RPRD1B: variants seen among roughly 807,000 people sequenced by gnomAD.
The protein encoded by RPRD1B is regulation of nuclear pre-mRNA domain containing 1B, also known as regulation of nuclear pre-mRNA domain-containing protein 1B.
In RPRD1B, 11 loss-of-function variants were observed where a neutral mutation model predicts 41.5. The observed-to-expected ratio is 0.27, with a 90% CI of 0.17 to 0.44. The LOEUF (loss-of-function observed/expected upper bound fraction) is 0.44, where lower values mean the gene tolerates loss of function less well. Ranked by LOEUF, RPRD1B falls within the 20% of genes least tolerant of loss-of-function variation. The probability of loss-of-function intolerance (pLI) is 1.00; values close to 1 mark genes in which losing one functional copy is unlikely to be tolerated. For synonymous variants in RPRD1B, 158 were observed against 155.6 expected (o/e 1.02, Z -0.12); for missense variants, 248 against 389.9 (o/e 0.64, Z 3.06).
At chr20:38,082,233 T>C (rs2074519222) in intron 6 of RPRD1B, among the ~76,000 whole-genome samples, 1 of 152,204 alleles carries the variant, frequency 6.6e-6, no homozygotes, top group Non-Finnish European at 1.5e-5. Context: ...GATTCAATTT[T>C]GGAACTCGTT....
intron 3 of RPRD1B, 182 bp downstream of exon 3, chr20:38,048,663 T>C: frequency 1.4e-5 from 12 of 855,920 alleles, no homozygotes; most frequent in Non-Finnish European, 1.7e-5. Flanking sequence ...CTGGTTCTAG[T>C]ATTCATGCTA....
chr20:38,057,334 C>T (rs190213653), intron 3 of RPRD1B, among the ~76,000 whole-genome samples, 198 bp from the exon 4 acceptor site: 73 of 152,262 alleles, frequency 4.8e-4, no homozygotes, highest in Non-Finnish European at 9.3e-4. Context: ...AGATGACGGA[C>T]AAAGACCTGT....
chr20:38,057,007 A>G (rs2074249498), intron 3 of RPRD1B, among the ~76,000 whole-genome samples: 1 of 152,224 alleles, frequency 6.6e-6, no homozygotes, highest in Non-Finnish European at 1.5e-5. Context: ...TCTCAGTAGT[A>G]TCAATCACAT....
chr20:38,041,199 C>T (rs549250989), intron 2 of RPRD1B, among the ~76,000 whole-genome samples: 39 of 152,256 alleles, frequency 2.6e-4, no homozygotes, highest in African/African-American at 8.7e-4. Flanking sequence ...CAAAAGCTTT[C>T]TGTGGGCTTA....
chr20:38,052,592 T>C (rs1352081869), intron 3 of RPRD1B, among the ~76,000 whole-genome samples: 2 of 152,148 alleles, frequency 1.3e-5, no homozygotes, highest in Non-Finnish European at 2.9e-5. Context: ...TTCCTGATCC[T>C]TTTCTCATTA....
chr20:38,044,824 C>A (rs1295365675), intron 2 of RPRD1B, among the ~76,000 whole-genome samples: 1 of 152,168 alleles, frequency 6.6e-6, no homozygotes, highest in African/African-American at 2.4e-5. Flanking sequence ...GTGTTAACTC[C>A]TTTCTGAACC....
At chr20:38,083,537 C>G (rs1477912141) in intron 6 of RPRD1B, among the ~76,000 whole-genome samples, 1 of 152,096 alleles carries the variant, frequency 6.6e-6, no homozygotes. Flanking sequence ...GTAGAAGCTC[C>G]CTTATCACCT....
intron 6 of RPRD1B, among the ~76,000 whole-genome samples, chr20:38,085,177 G>T (rs6064028): frequency 0.21 from 31,348 of 152,038 alleles, 3,598 homozygotes; most frequent in African/African-American, 0.32. Context: ...CTGAAGATGA[G>T]AGTGCTGGAG....
chr20:38,039,239 A>G (rs890389419), intron 1 of RPRD1B, among the ~76,000 whole-genome samples: 5 of 152,176 alleles, frequency 3.3e-5, no homozygotes, highest in African/African-American at 4.8e-5. Context: ...CTAATTTTGC[A>G]TATCTAGATT....
In RPRD1B at chr20:38,091,697, ACT is replaced by A. The variant is rs1302503781; in HGVS notation, c.*1825_*1826del. Reference sequence around the variant, plus strand: ...GTTTTGGAGCAGGCCCATCTGGGACACTCTATGCTTTCACCAAGGAAGTGCGA... The same window carrying A: ...GTTTTGGAGCAGGCCCATCTGGGACACTATGCTTTCACCAAGGAAGTGCGA... On this transcript the variant is annotated 3_prime_UTR_variant, in exon 7 of 7. Transcript: ENST00000373433. The A allele has an allele frequency of 8.1e-6, 8 of 985,410 alleles. No individual in the cohort carries two copies. Among genetic ancestry groups the A allele is most frequent in the Middle Eastern group, 5.2e-4 (1 of 1,936 alleles). The allele number at this position is 985,410 out of a possible 1,614,324, so 61.0% of individuals were successfully genotyped here.
At chr20:38,071,443 G>A (rs977010560) in intron 6 of RPRD1B, among the ~76,000 whole-genome samples, 6 of 152,184 alleles carry the variant, frequency 3.9e-5, no homozygotes, top group African/African-American at 1.4e-4. Flanking sequence ...CCTGTCTATG[G>A]ACATTTGAGT....
intron 6 of RPRD1B, among the ~76,000 whole-genome samples, chr20:38,088,911 G>C (rs532024540): frequency 6.6e-6 from 1 of 152,310 alleles, no homozygotes. Flanking sequence ...TGGAGGCCAG[G>C]CTTTGCTAGG....
At chr20:38,041,092 GT>G (rs1047767626) in intron 2 of RPRD1B, among the ~76,000 whole-genome samples, 5 of 152,194 alleles carry the variant, frequency 3.3e-5, no homozygotes, top group African/African-American at 1.2e-4. Flanking sequence ...GTGCTGTTGT[GT>G]TTTGTGGCAG....
rs117260789 is a variant in RPRD1B at position 38,058,041 on chromosome 20, C to T, written c.528+397C>T. On this transcript the variant is annotated intron_variant, in intron 4 of 6. Transcript: ENST00000373433. Reference sequence around the variant, plus strand: ...TAATATCTAAAGACAGTCTATGTGTCAATAGCAAATTTGCTGCACTGTAGC... The same window carrying T: ...TAATATCTAAAGACAGTCTATGTGTTAATAGCAAATTTGCTGCACTGTAGC... Among the ~76,000 whole-genome samples the T allele has an allele frequency of 3.9e-3, 588 of 152,278 alleles. 4 individuals carry two copies. Among genetic ancestry groups the T allele is most frequent in the Non-Finnish European group, 5.9e-3 (404 of 68,018 alleles).
rs371730280 is a variant in RPRD1B, at chr20:38,040,568, T to C, written c.281+4T>C. The C allele has an allele frequency of 1.3e-4, 210 of 1,585,730 alleles. No homozygotes were observed. Among genetic ancestry groups the C allele is most frequent in the Non-Finnish European group, 1.7e-4 (198 of 1,171,868 alleles). On this transcript the variant is annotated splice_donor_region_variant and intron_variant, in intron 2 of 6. Coordinates refer to ENST00000373433, the MANE Select transcript of RPRD1B (RefSeq NM_021215.4). The stretch of plus-strand genomic sequence containing the variant: ...ATGCTTTTTCTCATGTTGCCAGGTA[T>C]GTTGTCTGTTTTTTGGATTTGTTTT...
chr20:38,048,975 A>T (rs1336576626), intron 3 of RPRD1B, among the ~76,000 whole-genome samples: 4 of 152,140 alleles, frequency 2.6e-5, no homozygotes, highest in Non-Finnish European at 4.4e-5. Context: ...TTGGAGACAG[A>T]GTCTCACCCT....
intron 3 of RPRD1B, among the ~76,000 whole-genome samples, chr20:38,053,639 A>G (rs1007603817): frequency 5.3e-5 from 8 of 152,212 alleles, no homozygotes; most frequent in Non-Finnish European, 1.2e-4. Context: ...CTTAAGGTTT[A>G]TGAATAGGGA....
At chr20:38,068,565 A>T (rs115846332) in intron 6 of RPRD1B, among the ~76,000 whole-genome samples, 4,558 of 151,952 alleles carry the variant, frequency 0.03, 228 homozygotes, top group African/African-American at 0.1. Flanking sequence ...CGCCCGGCTA[A>T]TTTTTTTTGT....
intron 1 of RPRD1B, among the ~76,000 whole-genome samples, chr20:38,039,407 C>CTTTTTTTTTTTTTTTTTTTTTTTTTTTT (rs1165738530): frequency 3.5e-5 from 5 of 141,722 alleles, no homozygotes; most frequent in African/African-American, 7.8e-5. Flanking sequence ...TACAAGAAAC[C>CTTTTTTTTTTTTTTTTTTTTTTTTTTTT]TTTTTTTTTT....
Sources: gnomAD v4.1 joint callset for allele counts (sites outside exome capture counted in the v4.1 genomes callset) on GRCh38, gnomAD v4.1.1 for gene constraint, MANE v1.5 for transcripts, NCBI Gene and HGNC (gene_info 2026-07-23, HGNC 2026-07-21) for gene names.